The following UCHL3 variants were observed in gnomAD, a reference collection of about 807,000 sequenced individuals.
The protein encoded by UCHL3 is ubiquitin carboxyl-terminal hydrolase isozyme L3.
UCHL3 carries 22 observed loss-of-function variants against 35.8 expected under a neutral mutation model. The ratio of observed to expected loss-of-function variants is 0.61; its 90% CI spans 0.44 to 0.88. UCHL3 has a LOEUF of 0.88. UCHL3 is among the 40% of genes least tolerant of loss of function. The pLI is 0.00. For synonymous variants in UCHL3, 90 were observed against 92.8 expected (o/e 0.97, Z 0.17); for missense variants, 229 against 276.9 (o/e 0.83, Z 1.23).
In UCHL3 at chr13:75,579,871, TGGGGC is replaced by T. The variant is rs1277395953; in HGVS notation, c.474+10365_474+10369del. Among the ~76,000 whole-genome samples, 12 of 152,268 alleles carry T rather than the reference TGGGGC, an allele frequency of 7.9e-5. No homozygotes were observed. In the South Asian group the frequency reaches 2.5e-3, roughly 32 times the overall value. On this transcript the variant is annotated intron_variant, in intron 6 of 8. Coordinates refer to ENST00000377595, the MANE Select transcript of UCHL3 (RefSeq NM_006002.5). ...ATTTGTAATAAAGGAGAACTTTATT[TGGGGC>T]TACTCTCAAACTGTAAAGAAAATAA...
chr13:75,581,379 C>A (rs546316327), intron 6 of UCHL3, among the ~76,000 whole-genome samples: 1 of 151,158 alleles, frequency 6.6e-6, no homozygotes, highest in East Asian at 1.9e-4. Context: ...AGACAGGGTC[C>A]CATTCTGTTG....
chr13:75,578,041 G>A (rs1593743001), intron 6 of UCHL3, among the ~76,000 whole-genome samples: 2 of 152,066 alleles, frequency 1.3e-5, no homozygotes, highest in African/African-American at 4.8e-5. Flanking sequence ...ATACCAGTAT[G>A]GAAAAAATAG....
At chr13:75,553,822 CT>C (rs2031198152) in intron 2 of UCHL3, among the ~76,000 whole-genome samples, 2 of 152,180 alleles carry the variant, frequency 1.3e-5, no homozygotes, top group African/African-American at 4.8e-5. Flanking sequence ...GGGTTTTCAT[CT>C]TCCCATCTCT....
intron 6 of UCHL3, among the ~76,000 whole-genome samples, chr13:75,586,944 A>G (rs75195681): frequency 0.026 from 3,870 of 150,484 alleles, 62 homozygotes; most frequent in African/African-American, 0.03. Context: ...GAGGGAAACT[A>G]TAGTATTACA....
intron 6 of UCHL3, among the ~76,000 whole-genome samples, chr13:75,592,415 CATATATATATATATATATATATAT>C (rs546657200): frequency 1.7e-3 from 68 of 40,650 alleles, no homozygotes; most frequent in African/African-American, 8.2e-3. Flanking sequence ...ATTTTTCCTT[CATATATATATATATATATATATAT>C]ATATATATAT....
intron 6 of UCHL3, among the ~76,000 whole-genome samples, chr13:75,570,501 G>C (rs1401541434): frequency 6.6e-6 from 1 of 152,132 alleles, no homozygotes; most frequent in Non-Finnish European, 1.5e-5. Flanking sequence ...CTCCCATAGT[G>C]CTGGGATTAC....
At chr13:75,581,558 A>G (rs1344412759) in intron 6 of UCHL3, among the ~76,000 whole-genome samples, 3 of 130,976 alleles carry the variant, frequency 2.3e-5, no homozygotes, top group African/African-American at 5.8e-5. Flanking sequence ...GGGTCTCCCT[A>G]TGTTACCCAG....
At chr13:75,604,685 C>T in intron 7 of UCHL3, 84 bp from the exon 8 acceptor site, 1 of 1,150,614 alleles carries the variant, frequency 8.7e-7, no homozygotes, top group South Asian at 1.8e-5. Context: ...TCTTGCCTCA[C>T]TGGGGGAAGA....
intron 6 of UCHL3, among the ~76,000 whole-genome samples, chr13:75,575,240 C>T (rs56262060): frequency 0.059 from 8,911 of 152,218 alleles, 377 homozygotes; most frequent in Non-Finnish European, 0.083. Flanking sequence ...TTTTCTCCAT[C>T]CCACCGTGAT....
intron 2 of UCHL3, among the ~76,000 whole-genome samples, chr13:75,553,873 C>G (rs1322334817): frequency 1.3e-5 from 2 of 152,174 alleles, no homozygotes; most frequent in Non-Finnish European, 2.9e-5. Context: ...AAGGGCATAG[C>G]CATCCATGCA....
intron 2 of UCHL3, among the ~76,000 whole-genome samples, chr13:75,559,355 T>C (rs1369804987): frequency 6.6e-6 from 1 of 152,164 alleles, no homozygotes; most frequent in Non-Finnish European, 1.5e-5. Flanking sequence ...CCCCGGACTC[T>C]TATAGGGCAT....
chr13:75,565,870 T>G (rs993313547), intron 3 of UCHL3, among the ~76,000 whole-genome samples: 3 of 152,210 alleles, frequency 2.0e-5, no homozygotes, highest in African/African-American at 7.2e-5. Context: ...AATAATTTGC[T>G]AAAGTCACAC....
intron 6 of UCHL3, among the ~76,000 whole-genome samples, chr13:75,576,924 TCCTTACTTGTGGATTCAA>T (rs1309954591): frequency 7.9e-5 from 12 of 152,202 alleles, no homozygotes; most frequent in Admixed American, 6.5e-4. Context: ...AATGGTGGGT[TCCTTACTTGTGGATTCAA>T]CCAACCACTT....
intron 6 of UCHL3, among the ~76,000 whole-genome samples, chr13:75,584,139 GTTC>G (rs2032259612): frequency 1.3e-5 from 2 of 152,130 alleles, no homozygotes; most frequent in Non-Finnish European, 2.9e-5. Context: ...GGAGGGGCAG[GTTC>G]TTCTACCACT....
chr13:75,565,792 G>A (rs931987884), intron 3 of UCHL3, among the ~76,000 whole-genome samples: 19 of 152,180 alleles, frequency 1.2e-4, no homozygotes, highest in Middle Eastern at 3.4e-3. Context: ...CCACCTCACC[G>A]ATTTTTTAAC....
At chr13:75,564,430 G>A (rs2031620119) in intron 3 of UCHL3, among the ~76,000 whole-genome samples, 2 of 152,250 alleles carry the variant, frequency 1.3e-5, no homozygotes, top group South Asian at 4.2e-4. Flanking sequence ...GATTACAGGT[G>A]TGAGCCACTA....
At chr13:75,594,826 T>A (rs2032601745) in intron 6 of UCHL3, 89 bp from the exon 7 acceptor site, 1 of 908,790 alleles carries the variant, frequency 1.1e-6, no homozygotes, top group Admixed American at 2.6e-5. Context: ...TCTTATATAA[T>A]TTGATGTTAT....
chr13:75,590,000 G>T (rs1163316069), intron 6 of UCHL3: 2 of 1,304,670 alleles, frequency 1.5e-6, no homozygotes, highest in African/African-American at 3.0e-5. Context: ...CCTCATCATT[G>T]TGTCACCATG....
intron 6 of UCHL3, among the ~76,000 whole-genome samples, chr13:75,588,817 C>A (rs2138553786): frequency 6.6e-6 from 1 of 152,180 alleles, no homozygotes; most frequent in South Asian, 2.1e-4. Flanking sequence ...TTTATTTCTT[C>A]TCACTATGAT....
Sources: allele counts gnomAD v4.1 joint callset (sites outside exome capture counted in the v4.1 genomes callset), GRCh38; gene constraint gnomAD v4.1.1; transcripts MANE v1.5; gene names NCBI Gene and HGNC (gene_info 2026-07-23, HGNC 2026-07-21).